The following OLFM1 variants were observed in gnomAD, a reference collection of about 807,000 sequenced individuals.
OLFM1 encodes the protein noelin.
OLFM1 carries 9 observed loss-of-function variants against 49.7 expected under a neutral mutation model. That is an observed-to-expected ratio of 0.18 (90% confidence interval 0.11 to 0.32). OLFM1 has a LOEUF of 0.32. Ranked by LOEUF, OLFM1 falls within the 10% of genes least tolerant of loss-of-function variation. The pLI is 1.00. For synonymous variants in OLFM1, 240 were observed against 271.8 expected (o/e 0.88, Z 1.15); for missense variants, 369 against 661.8 (o/e 0.56, Z 4.85).
At position 135,119,728 on chromosome 9, in the gene OLFM1, G is replaced by C; in HGVS notation, c.1008G>C (p.Leu336=). Residue 336 remains leucine (L), a synonymous_variant, in exon 6 of 6, where the codon CTG becomes CTC. Transcript: ENST00000371793. The stretch of plus-strand genomic sequence containing the variant: ...AGACCATCCTCAAGACCCGCAGCCT[G>C]GACTATGCCGGTTACAACAACATGT... ...KTETILKTRS[L]DYAGYNNMYH... 1.2e-6 allele frequency: 2 copies of C among 1,614,088 alleles called. No individual in the cohort carries two copies. The highest frequency in any genetic ancestry group is 1.7e-6 in the Non-Finnish European group (2 of 1,180,038).
At chr9:135,111,399 C>G (rs936397603) in intron 5 of OLFM1, among the ~76,000 whole-genome samples, 1 of 152,182 alleles carries the variant, frequency 6.6e-6, no homozygotes, top group African/African-American at 2.4e-5. Context: ...GCCGCAGGCT[C>G]TCAGGGACTG....
chr9:135,115,201 C>T (rs1424921056), intron 5 of OLFM1, among the ~76,000 whole-genome samples: 1 of 152,238 alleles, frequency 6.6e-6, no homozygotes, highest in Non-Finnish European at 1.5e-5. Context: ...AATCTTCAGC[C>T]AGGGGTGCCA....
chr9:135,088,608 C>A lies in OLFM1; in HGVS notation c.150+469C>A, dbSNP rs187466654. On this transcript the variant is annotated intron_variant, in intron 1 of 5. Coordinates refer to ENST00000371793, the MANE Select transcript of OLFM1 (RefSeq NM_001282611.2). The surrounding 1 kb of genome is among the most constrained non-coding windows in gnomAD (Gnocchi z 4.8). ...CTGAGCCCGCCCTAGTTTGTAAAAG[C>A]CAGACTGGCCGGACCGGGCTGGGAG... Among the ~76,000 whole-genome samples the A allele has an allele frequency of 3.5e-4, 53 of 152,218 alleles. No homozygotes were observed. Among genetic ancestry groups the A allele is most frequent in the Middle Eastern group, 6.9e-3 (2 of 290 alleles).
At chr9:135,104,839 T>C (rs1409158096) in intron 4 of OLFM1, among the ~76,000 whole-genome samples, 1 of 152,172 alleles carries the variant, frequency 6.6e-6, no homozygotes, top group Non-Finnish European at 1.5e-5. Context: ...AGGGCCTTAG[T>C]GAAGCCGCCC....
chr9:135,076,699 T>C, intron 1 of OLFM1: 2 of 1,404,922 alleles, frequency 1.4e-6, no homozygotes, highest in South Asian at 3.0e-5. Context: ...ACTGGGAGAC[T>C]CTGGCCCTTT....
intron 5 of OLFM1, among the ~76,000 whole-genome samples, chr9:135,116,104 T>C (rs575892398): frequency 3.3e-5 from 5 of 152,178 alleles, no homozygotes; most frequent in Non-Finnish European, 7.3e-5. Flanking sequence ...ATCTGAGCCT[T>C]GGGACTTGGA....
chr9:135,106,726 C>T (rs752336500), intron 4 of OLFM1, 23 bp from the exon 5 acceptor site: 1 of 1,607,386 alleles, frequency 6.2e-7, no homozygotes, highest in Non-Finnish European at 8.5e-7. Context: ...CCTCCCTCTC[C>T]TGACCTGCGT....
At chr9:135,089,365 G>A (rs1204562850) in intron 1 of OLFM1, among the ~76,000 whole-genome samples, 1 of 152,252 alleles carries the variant, frequency 6.6e-6, no homozygotes, top group Non-Finnish European at 1.5e-5. Context: ...AGACAGTAGG[G>A]CCAGCAGCAG....
chr9:135,081,165 G>A (rs369353656), intron 1 of OLFM1, among the ~76,000 whole-genome samples: 10 of 152,260 alleles, frequency 6.6e-5, no homozygotes, highest in African/African-American at 2.4e-4. Context: ...ACACACAGGC[G>A]TGGGGAGGTT....
At position 135,119,969 on chromosome 9, in the gene OLFM1, G is replaced by A. The variant is rs116667741; in HGVS notation, c.1249G>A (p.Gly417Ser). ...IICGTLYVTN[G>S]YSGGTKVHYA... ...CTGCGGCACGCTGTACGTCACCAAC[G>A]GCTACTCAGGGGGTACCAAGGTCCA... Residue 417 changes from glycine to serine, a missense_variant, in exon 6 of 6, where the codon GGC becomes AGC. Around this residue, in one of 3 missense-constraint regions of OLFM1, gnomAD observed 294 missense variants for 567.5 expected, o/e 0.52. Transcript: ENST00000371793. The A allele has an allele frequency of 3.1e-6, 5 of 1,613,634 alleles. No individual in the cohort carries two copies. The highest frequency in any genetic ancestry group is 1.1e-5 in the South Asian group (1 of 91,080).
chr9:135,097,355 C>G (rs1830814071), intron 3 of OLFM1, among the ~76,000 whole-genome samples: 2 of 152,156 alleles, frequency 1.3e-5, no homozygotes, highest in South Asian at 4.1e-4. Flanking sequence ...ATGAATTACT[C>G]TGGAGGGAGA....
intron 2 of OLFM1, 70 bp downstream of exon 2, chr9:135,090,414 CT>C: frequency 6.8e-7 from 1 of 1,473,064 alleles, no homozygotes; most frequent in Non-Finnish European, 9.3e-7. Context: ...GTGTACATGC[CT>C]GTGTGCTCAC....
chr9:135,075,952 G>A (rs1830459203), intron 1 of OLFM1: 2 of 1,417,414 alleles, frequency 1.4e-6, no homozygotes, highest in African/African-American at 1.5e-5. Flanking sequence ...AGGGGGCCAG[G>A]GCGCTAGGCT....
In OLFM1 at chr9:135,116,877, G is replaced by GAA. The variant is rs139575117; in HGVS notation, c.784-2615_784-2614dup. On this transcript the variant is annotated intron_variant, in intron 5 of 5. Coordinates refer to ENST00000371793, the MANE Select transcript of OLFM1 (RefSeq NM_001282611.2). ...TAATAGCCTCAAATGAGGCCCAGCT[G>GAA]AAAAAAAAAAAAAGATCTCATTAAA... Among the ~76,000 whole-genome samples, 44 of 137,164 alleles carry GAA rather than the reference G, an allele frequency of 3.2e-4. No homozygotes were observed. The East Asian group carries it at 6.6e-3, about 21-fold the overall frequency. 90.0% of individuals were successfully genotyped at this position (137,164 alleles called of 152,430 possible).
chr9:135,120,881 T>C lies in OLFM1; in HGVS notation c.*703T>C, dbSNP rs1165418607. 1 of 152,298 alleles carries C rather than the reference T, an allele frequency of 6.6e-6. No homozygotes were observed. The highest frequency in any genetic ancestry group is 1.5e-5 in the Non-Finnish European group (1 of 68,050). 9.4% of individuals were successfully genotyped at this position (152,298 alleles called of 1,614,324 possible). A position where few individuals can be genotyped will look rare whatever the true frequency, so the allele number is the denominator to read the frequency against. On this transcript the variant is annotated 3_prime_UTR_variant, in exon 6 of 6. Coordinates refer to ENST00000371793, the MANE Select transcript of OLFM1 (RefSeq NM_001282611.2). ...ATTGTTGTAAATGCAATGCCGTAGT[T>C]TGGATTAATAAGTGGATGGTTTTTG...
At chr9:135,099,120 T>C (rs1830837784) in intron 4 of OLFM1, among the ~76,000 whole-genome samples, 1 of 152,214 alleles carries the variant, frequency 6.6e-6, no homozygotes, top group Non-Finnish European at 1.5e-5. Context: ...ATTCACCTTA[T>C]CAACTTTCCA....
At chr9:135,091,591 T>TCA (rs1023163134) in intron 2 of OLFM1, among the ~76,000 whole-genome samples, 1 of 70,504 alleles carries the variant, frequency 1.4e-5, no homozygotes, top group Admixed American at 1.3e-4. Context: ...ACACTCACAG[T>TCA]CACACACTCA....
rs1238128857 is a variant in OLFM1 at position 135,117,042 on chromosome 9, C to T, written c.784-2462C>T. On this transcript the variant is annotated intron_variant, in intron 5 of 5. Transcript: ENST00000371793. This position sits in a 1 kb window ranked among gnomAD's most constrained non-coding sequence, Gnocchi z 5.5. ...TAGTCTCCTGCAGCTCCAGAGCCCT[C>T]GACGGATAAAGCAGCTGTCTCATTG... Among the ~76,000 whole-genome samples, 4 of 152,110 alleles carry T rather than the reference C, an allele frequency of 2.6e-5. No individual in the cohort carries two copies. Among genetic ancestry groups the T allele is most frequent in the South Asian group, 2.1e-4 (1 of 4,830 alleles).
intron 4 of OLFM1, among the ~76,000 whole-genome samples, chr9:135,102,528 C>T (rs572535275): frequency 2.6e-4 from 39 of 152,288 alleles, no homozygotes; most frequent in African/African-American, 9.1e-4. Context: ...AGATGACAGG[C>T]GGTGAGAGTC....
Sources: gnomAD v4.1 joint callset for allele counts (sites outside exome capture counted in the v4.1 genomes callset) on GRCh38, gnomAD v4.1.1 for gene constraint, gnomAD v4.1.1 regional missense constraint, Gnocchi (gnomAD v3.1) non-coding constraint, MANE v1.5 for transcripts, NCBI Gene and HGNC (gene_info 2026-07-23, HGNC 2026-07-21) for gene names.